SDK1: variants seen among roughly 807,000 people sequenced by gnomAD.
SDK1 encodes the protein sidekick cell adhesion molecule 1.
In SDK1, 157 loss-of-function variants were observed where a neutral mutation model predicts 245.5. The ratio of observed to expected loss-of-function variants is 0.64; its 90% CI spans 0.56 to 0.73. SDK1 has a LOEUF of 0.73. Ranked by LOEUF, SDK1 falls within the 30% of genes least tolerant of loss-of-function variation. SDK1 has a pLI of 0.00. For missense variants in SDK1, 3,583 were observed against 3,002.3 expected, an observed-to-expected ratio of 1.19 and a Z score of -4.52; for synonymous variants, 1,647 against 1,278.5, an observed-to-expected ratio of 1.29 and a Z score of -6.15.
intron 1 of SDK1, among the ~76,000 whole-genome samples, chr7:3,412,455 C>CT (rs972801369): frequency 6.6e-6 from 1 of 152,170 alleles, no homozygotes; most frequent in Non-Finnish European, 1.5e-5. Flanking sequence ...GCAGCTCCTG[C>CT]TTTTTTTGTT....
rs1055031281 is a variant in SDK1 at position 3,641,993 on chromosome 7, A to G, written c.601A>G (p.Thr201Ala). Reference protein sequence around the residue: ...GSFMDTDQRKTVSQGRAAILN... With the variant: ...GSFMDTDQRKAVSQGRAAILN... ...TTTCATGGATACGGACCAGAGGAAA[A>G]CAGTTTCTCAAGGACGTGCAGCGAT... is the stretch of plus-strand genomic sequence containing the variant. Residue 201 changes from threonine (T) to alanine (A), a missense_variant, in exon 4 of 45, where the codon ACA (threonine) becomes GCA (alanine). Transcript: ENST00000404826. The G allele has an allele frequency of 6.2e-7, 1 of 1,613,954 alleles. No individual in the cohort carries two copies. Among genetic ancestry groups the G allele is most frequent in the African/African-American group, 1.3e-5 (1 of 74,934 alleles).
intron 1 of SDK1, among the ~76,000 whole-genome samples, chr7:3,362,730 C>T (rs1442544048): frequency 6.6e-6 from 1 of 152,152 alleles, no homozygotes; most frequent in East Asian, 1.9e-4. Context: ...AATGAATATA[C>T]AACCAGTTTT....
chr7:4,245,165 C>T (rs765424719), intron 43 of SDK1, among the ~76,000 whole-genome samples: 1 of 152,138 alleles, frequency 6.6e-6, no homozygotes, highest in Non-Finnish European at 1.5e-5. Context: ...TAGAATTCCA[C>T]CAGCCAGAGA....
chr7:3,818,094 C>T (rs1779554295), intron 4 of SDK1, among the ~76,000 whole-genome samples: 1 of 152,186 alleles, frequency 6.6e-6, no homozygotes, highest in African/African-American at 2.4e-5. Flanking sequence ...TTCCTCTTCT[C>T]TTTACTACTA....
chr7:3,437,708 C>T (rs1462048834), intron 1 of SDK1, among the ~76,000 whole-genome samples: 1 of 152,142 alleles, frequency 6.6e-6, no homozygotes, highest in Non-Finnish European at 1.5e-5. Flanking sequence ...GTGATCGTGC[C>T]ACTGCACTCC....
chr7:3,558,458 A>G (rs1779654995), intron 1 of SDK1, among the ~76,000 whole-genome samples: 1 of 152,238 alleles, frequency 6.6e-6, no homozygotes, highest in African/African-American at 2.4e-5. Flanking sequence ...GATTTGTTTG[A>G]AAAGATCATA....
chr7:3,779,825 G>A (rs559744992), intron 4 of SDK1, among the ~76,000 whole-genome samples: 4 of 151,792 alleles, frequency 2.6e-5, no homozygotes, highest in African/African-American at 7.3e-5. Flanking sequence ...CCAGCTACTC[G>A]GGAGGCTGAG....
intron 41 of SDK1, among the ~76,000 whole-genome samples, chr7:4,236,473 G>C (rs1322709190): frequency 6.6e-6 from 1 of 152,118 alleles, no homozygotes; most frequent in African/African-American, 2.4e-5. Context: ...TTTGCTAGAG[G>C]CAGAAAATAA....
intron 1 of SDK1, among the ~76,000 whole-genome samples, chr7:3,431,208 A>G (rs188755222): frequency 4.3e-4 from 66 of 151,962 alleles, no homozygotes; most frequent in African/African-American, 1.5e-3. Context: ...GCCTTTTATC[A>G]CTTTTAAACT....
intron 5 of SDK1, among the ~76,000 whole-genome samples, chr7:3,890,710 G>C (rs1186411766): frequency 2.0e-5 from 3 of 152,150 alleles, no homozygotes; most frequent in African/African-American, 4.8e-5. Flanking sequence ...GGGAGGCTGA[G>C]GCAGTCGGAT....
intron 34 of SDK1, among the ~76,000 whole-genome samples, chr7:4,177,739 T>C (rs1482697808): frequency 6.6e-6 from 1 of 152,204 alleles, no homozygotes; most frequent in Non-Finnish European, 1.5e-5. Flanking sequence ...ATCCCATTTA[T>C]TGTGTACTTT....
At chr7:3,580,996 C>A (rs201521055) in intron 1 of SDK1, among the ~76,000 whole-genome samples, 7,794 of 90,992 alleles carry the variant, frequency 0.086, 976 homozygotes, top group South Asian at 0.18. Context: ...AAAAAAAAAC[C>A]AAAACAAAAC....
At chr7:3,408,532 TAATG>T (rs1211702268) in intron 1 of SDK1, among the ~76,000 whole-genome samples, 3 of 152,220 alleles carry the variant, frequency 2.0e-5, no homozygotes, top group Non-Finnish European at 4.4e-5. Context: ...TTTGACAAAT[TAATG>T]AAGAAATATT....
chr7:3,702,300 A>C (rs1273941558), intron 4 of SDK1, among the ~76,000 whole-genome samples: 1 of 152,260 alleles, frequency 6.6e-6, no homozygotes, highest in Admixed American at 6.5e-5. Context: ...TCTAATGCTA[A>C]AATGGGCAAA....
At chr7:4,224,449 A>G (rs537757992) in intron 40 of SDK1, among the ~76,000 whole-genome samples, 3 of 152,254 alleles carry the variant, frequency 2.0e-5, no homozygotes, top group Admixed American at 1.3e-4. Context: ...CTCACTCCCT[A>G]TTGTAAGAAC....
intron 30 of SDK1, among the ~76,000 whole-genome samples, chr7:4,152,533 A>G (rs886398534): frequency 1.3e-5 from 2 of 152,216 alleles, no homozygotes; most frequent in African/African-American, 4.8e-5. Flanking sequence ...CAAACAGACT[A>G]ATCGTGTGTC....
chr7:3,466,563 A>T (rs530070313), intron 1 of SDK1, among the ~76,000 whole-genome samples: 1 of 150,364 alleles, frequency 6.7e-6, no homozygotes, highest in East Asian at 2.0e-4. Context: ...AGGTTTACTC[A>T]TCTTCATCCA....
At chr7:4,013,705 C>T (rs1040557903) in intron 16 of SDK1, among the ~76,000 whole-genome samples, 1 of 152,210 alleles carries the variant, frequency 6.6e-6, no homozygotes, top group East Asian at 1.9e-4. Flanking sequence ...TTTCCTCCAG[C>T]GTCGGGATTC....
chr7:3,553,654 C>G (rs1038497208), intron 1 of SDK1, among the ~76,000 whole-genome samples: 1 of 152,086 alleles, frequency 6.6e-6, no homozygotes, highest in Non-Finnish European at 1.5e-5. Context: ...GCTGAGATAC[C>G]CTTTTCCAGT....
Sources: gnomAD v4.1 joint callset for allele counts (sites outside exome capture counted in the v4.1 genomes callset) on GRCh38, gnomAD v4.1.1 for gene constraint, MANE v1.5 for transcripts, NCBI Gene and HGNC (gene_info 2026-07-23, HGNC 2026-07-21) for gene names.